Variants in NALF1 observed in about 807,000 individuals in gnomAD.
NALF1 encodes the protein family with sequence similarity 155 member A.
A neutral mutation model predicts 48.4 loss-of-function variants in NALF1; 3 were observed. The observed-to-expected ratio is 0.06, with a 90% confidence interval of 0.03 to 0.16. The LOEUF (loss-of-function observed/expected upper bound fraction) is 0.16, where lower values mean the gene tolerates loss of function less well. Among genes scored for constraint, NALF1 ranks in the 10% least tolerant of loss-of-function variants. The pLI, the probability that NALF1 is intolerant of heterozygous loss-of-function variation, is 1.00. For synonymous variants in NALF1, 262 were observed against 245.7 expected, an observed-to-expected ratio of 1.07 and a Z score of -0.62; for missense variants, 526 against 571.5, an observed-to-expected ratio of 0.92 and a Z score of 0.81.
At chr13:107,361,181 A>G (rs1243316323) in intron 1 of NALF1, among the ~76,000 whole-genome samples, 1 of 152,202 alleles carries the variant, frequency 6.6e-6, no homozygotes, top group Non-Finnish European at 1.5e-5. Flanking sequence ...GCTTAGACAG[A>G]TAAACAAAAA....
rs965077261 is a variant in NALF1 at position 107,685,666 on chromosome 13, T to C, written c.915+180016A>G. On this transcript the variant is annotated intron_variant, in intron 1 of 2. Coordinates refer to ENST00000375915, the MANE Select transcript of NALF1 (RefSeq NM_001080396.3). Reference sequence around the variant, plus strand: ...AGAGAAAATTTTATCTTGACCAAAGTTGAATTTTGTTTCAGCAGTAGCTCT... The same window carrying C: ...AGAGAAAATTTTATCTTGACCAAAGCTGAATTTTGTTTCAGCAGTAGCTCT... Among the ~76,000 whole-genome samples the C allele has an allele frequency of 5.3e-5, 8 of 152,170 alleles. No individual in the cohort carries two copies. In the East Asian group the frequency reaches 1.2e-3, roughly 22 times the overall value.
intron 1 of NALF1, among the ~76,000 whole-genome samples, chr13:107,292,295 C>T (rs139480189): frequency 8.5e-4 from 130 of 152,292 alleles, no homozygotes; most frequent in African/African-American, 3.0e-3. Context: ...GCTTGCAGAA[C>T]TGAAGTTGCT....
chr13:107,545,592 A>T (rs545758930), intron 1 of NALF1, among the ~76,000 whole-genome samples: 22 of 152,166 alleles, frequency 1.4e-4, no homozygotes, highest in Admixed American at 8.5e-4. Flanking sequence ...AAAGACCCAT[A>T]GGGTCAGAGC....
At chr13:107,255,601 G>A (rs573720391) in intron 1 of NALF1, among the ~76,000 whole-genome samples, 1 of 152,164 alleles carries the variant, frequency 6.6e-6, no homozygotes, top group South Asian at 2.1e-4. Context: ...CGAATGGAGA[G>A]GACTAATCCA....
At chr13:107,658,225 T>C (rs1880634984) in intron 1 of NALF1, among the ~76,000 whole-genome samples, 1 of 150,812 alleles carries the variant, frequency 6.6e-6, no homozygotes, top group Non-Finnish European at 1.5e-5. Flanking sequence ...TGGATTTATC[T>C]TACTTAGTCT....
chr13:107,719,991 C>T (rs61966045), intron 1 of NALF1, among the ~76,000 whole-genome samples: 11,461 of 152,162 alleles, frequency 0.075, 515 homozygotes, highest in South Asian at 0.14. Context: ...ATGCCCTCCC[C>T]ATCTCCACTC....
intron 1 of NALF1, among the ~76,000 whole-genome samples, chr13:107,542,259 A>C (rs552891580): frequency 6.6e-6 from 1 of 152,234 alleles, no homozygotes; most frequent in South Asian, 2.1e-4. Flanking sequence ...GATTCCATTT[A>C]TATGAAATAT....
At chr13:107,244,198 G>C (rs1402255922) in intron 1 of NALF1, among the ~76,000 whole-genome samples, 2 of 152,182 alleles carry the variant, frequency 1.3e-5, no homozygotes, top group Non-Finnish European at 2.9e-5. Flanking sequence ...CACGGGGAGA[G>C]AGCAAAGTTT....
intron 1 of NALF1, among the ~76,000 whole-genome samples, chr13:107,298,100 A>G (rs559208074): frequency 2.0e-5 from 3 of 152,134 alleles, no homozygotes; most frequent in African/African-American, 7.2e-5. Flanking sequence ...AGAAATACAC[A>G]CACACTCGGG....
intron 1 of NALF1, among the ~76,000 whole-genome samples, chr13:107,705,788 C>A (rs766499604): frequency 2.0e-5 from 3 of 151,996 alleles, no homozygotes; most frequent in Admixed American, 1.3e-4. Flanking sequence ...TAGAAAAAAA[C>A]AACAACAGAT....
Position 107,857,805 on chromosome 13 carries a change from T to C in NALF1, c.915+7877A>G, listed in dbSNP as rs933670935. ...AAAAGTCTTGTAAATCAGTCTTCTA[T>C]ACAGAAAATTTATATGAGATCTCAA... On this transcript the variant is annotated intron_variant, in intron 1 of 2. Transcript: ENST00000375915. Among the ~76,000 whole-genome samples, 5 of 152,334 alleles carry C rather than the reference T, an allele frequency of 3.3e-5. No individual in the cohort carries two copies. The East Asian group carries it at 5.8e-4, about 18-fold the overall frequency.
chr13:107,180,950 A>T (rs1379164404), intron 2 of NALF1, among the ~76,000 whole-genome samples: 1 of 151,746 alleles, frequency 6.6e-6, no homozygotes, highest in Non-Finnish European at 1.5e-5. Flanking sequence ...ACTTTGCGTC[A>T]ATTTTGATAG....
At chr13:107,812,587 T>C (rs576636922) in intron 1 of NALF1, among the ~76,000 whole-genome samples, 21 of 152,298 alleles carry the variant, frequency 1.4e-4, no homozygotes, top group Middle Eastern at 3.4e-3. Context: ...TTTTAACCCA[T>C]AGATTTATAC....
intron 1 of NALF1, among the ~76,000 whole-genome samples, chr13:107,302,526 A>G (rs1881857614): frequency 6.6e-6 from 1 of 152,186 alleles, no homozygotes; most frequent in African/African-American, 2.4e-5. Context: ...AATAACTGGT[A>G]TGCAACAGAG....
chr13:107,677,088 C>T (rs991223157), intron 1 of NALF1, among the ~76,000 whole-genome samples: 1 of 152,172 alleles, frequency 6.6e-6, no homozygotes, highest in East Asian at 1.9e-4. Context: ...GCTCCTTCGC[C>T]CAGGCTGGAG....
chr13:107,252,028 A>AG (rs1239864631), intron 1 of NALF1, among the ~76,000 whole-genome samples: 2 of 152,088 alleles, frequency 1.3e-5, no homozygotes, highest in African/African-American at 4.8e-5. Context: ...CAGCATGCAG[A>AG]GGGGGACTCT....
intron 1 of NALF1, among the ~76,000 whole-genome samples, chr13:107,653,248 A>G (rs558199391): frequency 1.3e-5 from 2 of 149,992 alleles, no homozygotes; most frequent in African/African-American, 4.8e-5. Context: ...TTTTCATGTT[A>G]GTCCAATAAC....
chr13:107,233,505 A>G (rs549612647), intron 1 of NALF1, among the ~76,000 whole-genome samples: 1 of 152,332 alleles, frequency 6.6e-6, no homozygotes, highest in South Asian at 2.1e-4. Context: ...TATCCATCTT[A>G]ATCTTCATAA....
chr13:107,770,072 C>A (rs1877535524), intron 1 of NALF1, among the ~76,000 whole-genome samples: 1 of 152,110 alleles, frequency 6.6e-6, no homozygotes, highest in Non-Finnish European at 1.5e-5. Flanking sequence ...GCCACCACGC[C>A]CGGCTAATTT....
Sources: allele counts gnomAD v4.1 joint callset (sites outside exome capture counted in the v4.1 genomes callset), GRCh38; gene constraint gnomAD v4.1.1; transcripts MANE v1.5; gene names NCBI Gene and HGNC (gene_info 2026-07-23, HGNC 2026-07-21).